BCAS3: variants seen among roughly 807,000 people sequenced by gnomAD.
BCAS3 encodes the protein BCAS3 microtubule associated cell migration factor.
BCAS3 carries 53 observed loss-of-function variants against 116.1 expected under a neutral mutation model. That is an observed-to-expected ratio of 0.46 (90% CI 0.37 to 0.57). The LOEUF is 0.57. BCAS3 is among the 20% of genes least tolerant of loss of function. The probability of loss-of-function intolerance (pLI) is 0.00; values close to 1 mark genes in which losing one functional copy is unlikely to be tolerated. For missense variants in BCAS3, 917 were observed against 1,165.4 expected (o/e 0.79, Z 3.10); for synonymous variants, 391 against 408.2 (o/e 0.96, Z 0.51).
At position 61,300,830 on chromosome 17, in the gene BCAS3, T is replaced by G. The variant is rs190501049; in HGVS notation, c.2426-67497T>G. ...AGCAGCTTTCCTCCTCCCTCCCTCT[T>G]CTAGCCTCTGCCCAGGAATCATTTG... On this transcript the variant is annotated intron_variant, in intron 22 of 23. Coordinates refer to ENST00000407086, the MANE Select transcript of BCAS3 (RefSeq NM_017679.5). This position sits in a 1 kb window ranked among gnomAD's most constrained non-coding sequence, Gnocchi z 5.1. 5.7e-4 allele frequency among the ~76,000 whole-genome samples: 87 copies of G among 152,272 alleles called. 1 individual carries two copies. Among genetic ancestry groups the G allele is most frequent in the Non-Finnish European group, 4.4e-5 (3 of 68,012 alleles).
rs926639288 is a variant in BCAS3 at position 61,156,920 on chromosome 17, A to T, written c.2425+72356A>T. 2.0e-5 allele frequency among the ~76,000 whole-genome samples: 3 copies of T among 152,174 alleles called. No individual in the cohort carries two copies. The highest frequency in any genetic ancestry group is 7.2e-5 in the African/African-American group (3 of 41,440). ...TATTTTTCCTTTGAAACAACACTTAAAAAAAACAAATTCTACAACATTTAA... is the reference window on the plus strand; with the variant it reads ...TATTTTTCCTTTGAAACAACACTTATAAAAAACAAATTCTACAACATTTAA... On this transcript the variant is annotated intron_variant, in intron 22 of 23. Coordinates refer to ENST00000407086, the MANE Select transcript of BCAS3 (RefSeq NM_017679.5). This position sits in a 1 kb window ranked among gnomAD's most constrained non-coding sequence, Gnocchi z 4.7.
Position 61,380,294 on chromosome 17 carries a change from G to T in BCAS3, c.2594-11683G>T. 1.7e-6 allele frequency: 1 copy of T among 583,230 alleles called. No individual in the cohort carries two copies. The highest frequency in any genetic ancestry group is 3.1e-6 in the Non-Finnish European group (1 of 324,966). 36.1% of individuals were successfully genotyped at this position (583,230 alleles called of 1,614,324 possible). A position where few individuals can be genotyped will look rare whatever the true frequency, so the allele number is the denominator to read the frequency against. ...TCAGGCAGCTGGACTGGGGAGGAGG[G>T]AGAGAGGGAAGGATGATACCAGTTT... On this transcript the variant is annotated intron_variant, in intron 23 of 23. Coordinates refer to ENST00000407086, the MANE Select transcript of BCAS3 (RefSeq NM_017679.5). This position sits in a 1 kb window ranked among gnomAD's most constrained non-coding sequence, Gnocchi z 4.2.
intron 22 of BCAS3, among the ~76,000 whole-genome samples, chr17:61,353,346 T>A (rs1304258628): frequency 5.9e-5 from 9 of 151,692 alleles, no homozygotes; most frequent in Admixed American, 1.3e-4. Flanking sequence ...CCCCTGGGGG[T>A]CTTATTAAAA....
intron 22 of BCAS3, among the ~76,000 whole-genome samples, chr17:61,253,849 G>A (rs191906168): frequency 9.9e-5 from 15 of 152,132 alleles, no homozygotes; most frequent in South Asian, 4.2e-4. Context: ...CGGCCTCCAC[G>A]GTTTACATGG....
At chr17:61,167,854 A>G (rs1275406269) in intron 22 of BCAS3, among the ~76,000 whole-genome samples, 1 of 152,184 alleles carries the variant, frequency 6.6e-6, no homozygotes. Flanking sequence ...TAGTGCTTTG[A>G]TGATTCGTAG....
Position 61,145,696 on chromosome 17 carries a change from A to C in BCAS3, c.2425+61132A>C, listed in dbSNP as rs1374425706. 2.0e-5 allele frequency among the ~76,000 whole-genome samples: 3 copies of C among 152,190 alleles called. No homozygotes were observed. The highest frequency in any genetic ancestry group is 4.4e-5 in the Non-Finnish European group (3 of 68,032). On this transcript the variant is annotated intron_variant, in intron 22 of 23. Transcript: ENST00000407086. The surrounding 1 kb of genome is among the most constrained non-coding windows in gnomAD (Gnocchi z 5.0). ...CCCCTTTTTACTTAAGCTGAAAAAG[A>C]ATATAAAAATTAAAGAGAAATTGAA...
intron 22 of BCAS3, among the ~76,000 whole-genome samples, chr17:61,277,717 C>T (rs1368704764): frequency 1.3e-5 from 2 of 152,136 alleles, no homozygotes; most frequent in African/African-American, 4.8e-5. Flanking sequence ...AGAAGATACA[C>T]AATGGCCAAT....
chr17:61,006,321 A>G (rs1415167247), intron 15 of BCAS3, among the ~76,000 whole-genome samples: 1 of 152,164 alleles, frequency 6.6e-6, no homozygotes, highest in Non-Finnish European at 1.5e-5. Context: ...CTCCAGATCT[A>G]AGAAAATACA....
At chr17:60,854,355 A>G (rs1249218567) in intron 7 of BCAS3, among the ~76,000 whole-genome samples, 1 of 152,198 alleles carries the variant, frequency 6.6e-6, no homozygotes, top group African/African-American at 2.4e-5. Context: ...GCCGCAATGA[A>G]CATACGTGTG....
At chr17:61,371,442 A>C (rs558245991) in intron 23 of BCAS3, among the ~76,000 whole-genome samples, 1 of 152,316 alleles carries the variant, frequency 6.6e-6, no homozygotes, top group South Asian at 2.1e-4. Context: ...TGGGGGTTGA[A>C]GGATAGCTTT....
At chr17:60,764,642 C>T (rs368972918) in intron 6 of BCAS3, among the ~76,000 whole-genome samples, 37 of 152,066 alleles carry the variant, frequency 2.4e-4, no homozygotes, top group Non-Finnish European at 4.4e-4. Flanking sequence ...GGAATAAGTG[C>T]GATGTGGTGC....
intron 19 of BCAS3, among the ~76,000 whole-genome samples, chr17:61,046,009 TA>T (rs1469329836): frequency 0.019 from 206 of 10,680 alleles, 15 homozygotes; most frequent in Non-Finnish European, 0.023. Context: ...ATAATATATA[TA>T]TTTATATATA....
At chr17:61,114,656 C>T (rs1362050234) in intron 22 of BCAS3, among the ~76,000 whole-genome samples, 1 of 152,018 alleles carries the variant, frequency 6.6e-6, no homozygotes, top group East Asian at 1.9e-4. Context: ...TGAAAATGGC[C>T]ATACTGCCCA....
chr17:60,754,961 G>A (rs949467108), intron 6 of BCAS3, among the ~76,000 whole-genome samples: 6 of 152,126 alleles, frequency 3.9e-5, no homozygotes, highest in Admixed American at 1.3e-4. Context: ...TTATTATTGA[G>A]GTCTTACTAC....
intron 7 of BCAS3, chr17:60,851,797 C>T (rs534465658): frequency 1.7e-6 from 2 of 1,198,654 alleles, no homozygotes; most frequent in Non-Finnish European, 1.2e-6. Flanking sequence ...TTGTACAATC[C>T]AGAGGAATAT....
rs1252420217 is a variant in BCAS3, at chr17:61,339,509, G to A, written c.2426-28818G>A. On this transcript the variant is annotated intron_variant, in intron 22 of 23. Transcript: ENST00000407086. This position sits in a 1 kb window ranked among gnomAD's most constrained non-coding sequence, Gnocchi z 4.4. ...AGGCTGGAAACATTGGCTCAAGCCT[G>A]TAATCCCAGCAGTTGGGAGGCCAAG... Among the ~76,000 whole-genome samples the A allele has an allele frequency of 1.3e-5, 2 of 152,214 alleles. No homozygotes were observed. The highest frequency in any genetic ancestry group is 4.8e-5 in the African/African-American group (2 of 41,444).
At chr17:61,036,916 T>C (rs1468483148) in intron 17 of BCAS3, among the ~76,000 whole-genome samples, 1 of 152,146 alleles carries the variant, frequency 6.6e-6, no homozygotes, top group Non-Finnish European at 1.5e-5. Flanking sequence ...ATAGACTTTA[T>C]TTTCTAAAGG....
intron 6 of BCAS3, among the ~76,000 whole-genome samples, chr17:60,753,383 T>TTTTTTTTATTTATTTA: frequency 7.4e-6 from 1 of 135,638 alleles, no homozygotes; most frequent in South Asian, 2.5e-4. Context: ...TTGTCTCTTA[T>TTTTTTTTATTTATTTA]TTTATTTATT....
intron 22 of BCAS3, among the ~76,000 whole-genome samples, chr17:61,168,864 G>C (rs760904553): frequency 6.6e-6 from 1 of 152,156 alleles, no homozygotes; most frequent in Non-Finnish European, 1.5e-5. Context: ...AGTAACAGAA[G>C]GATGCTGAAA....
Sources: gnomAD v4.1 joint callset for allele counts (sites outside exome capture counted in the v4.1 genomes callset) on GRCh38, gnomAD v4.1.1 for gene constraint, Gnocchi (gnomAD v3.1) non-coding constraint, MANE v1.5 for transcripts, NCBI Gene and HGNC (gene_info 2026-07-23, HGNC 2026-07-21) for gene names.